Variants in USP48 observed in about 807,000 individuals in gnomAD.
USP48 encodes the protein ubiquitin carboxyl-terminal hydrolase 48.
A neutral mutation model predicts 150.7 loss-of-function variants in USP48; 43 were observed. The observed-to-expected ratio is 0.29, with a 90% CI of 0.22 to 0.37. The LOEUF (loss-of-function observed/expected upper bound fraction) is 0.37, where lower values mean the gene tolerates loss of function less well. USP48 is among the 10% of genes least tolerant of loss of function. The probability of loss-of-function intolerance (pLI) is 1.00; values close to 1 mark genes in which losing one functional copy is unlikely to be tolerated. For synonymous variants in USP48, 396 were observed against 425.9 expected, an observed-to-expected ratio of 0.93 and a Z score of 0.86; for missense variants, 813 against 1,249.6, an observed-to-expected ratio of 0.65 and a Z score of 5.27.
intron 11 of USP48, among the ~76,000 whole-genome samples, chr1:21,726,760 C>T (rs962439131): frequency 3.9e-5 from 6 of 152,130 alleles, no homozygotes; most frequent in African/African-American, 1.4e-4. Context: ...AATATATTCC[C>T]TAGTATTTGT....
chr1:21,767,385 C>T (rs541049796), intron 1 of USP48, among the ~76,000 whole-genome samples: 20 of 152,174 alleles, frequency 1.3e-4, no homozygotes, highest in Admixed American at 7.2e-4. Flanking sequence ...GGTGCAGTGG[C>T]TCAATCTCAG....
At chr1:21,712,869 C>T (rs911045112) in intron 15 of USP48, among the ~76,000 whole-genome samples, 1 of 152,040 alleles carries the variant, frequency 6.6e-6, no homozygotes, top group African/African-American at 2.4e-5. Flanking sequence ...CTCAACTGAT[C>T]CGCCTGCCTC....
At chr1:21,747,696 C>T (rs1317819894) in intron 7 of USP48, among the ~76,000 whole-genome samples, 1 of 152,156 alleles carries the variant, frequency 6.6e-6, no homozygotes, top group African/African-American at 2.4e-5. Flanking sequence ...CCTCAGCCTC[C>T]CCAGTAGCTG....
At chr1:21,773,748 A>G (rs2097889142) in intron 1 of USP48, among the ~76,000 whole-genome samples, 2 of 151,990 alleles carry the variant, frequency 1.3e-5, no homozygotes, top group Non-Finnish European at 2.9e-5. Flanking sequence ...CTCACTCAAC[A>G]CTCAAGATCG....
intron 15 of USP48, among the ~76,000 whole-genome samples, chr1:21,712,628 CT>C (rs11333202): frequency 0.21 from 27,996 of 134,332 alleles, 3,335 homozygotes; most frequent in Non-Finnish European, 0.29. Context: ...GAAAACTATC[CT>C]TTTTTTTTTT....
rs1474143320 is a variant in USP48 at position 21,757,781 on chromosome 1, C to T, written c.137G>A (p.Arg46Gln). 2.5e-6 allele frequency: 4 copies of T among 1,577,978 alleles called. No individual in the cohort carries two copies. Among genetic ancestry groups the T allele is most frequent in the South Asian group, 1.2e-5 (1 of 83,164 alleles). ...LEPCIRGVCR[R>Q]NCKGNPNCLV... ...GCAATTCGGATTTCCTTTGCAGTTT[C>T]GTCTAAGGGGAAAAAAAAAACCTTT... Residue 46 changes from arginine (R) to glutamine (Q), a missense_variant and splice_region_variant, in exon 2 of 27, where the codon CGA becomes CAA. Physicochemically the swap from Arg to Gln is conservative, Grantham distance 43. Coordinates refer to ENST00000308271, the MANE Select transcript of USP48 (RefSeq NM_032236.8).
intron 22 of USP48, among the ~76,000 whole-genome samples, chr1:21,699,609 G>A (rs1251266310): frequency 6.6e-6 from 1 of 151,204 alleles, no homozygotes; most frequent in African/African-American, 2.4e-5. Flanking sequence ...TGCCTCCTGG[G>A]TTCATGCCAT....
At chr1:21,699,204 T>G (rs2097647342) in intron 22 of USP48, among the ~76,000 whole-genome samples, 1 of 141,054 alleles carries the variant, frequency 7.1e-6, no homozygotes, top group African/African-American at 2.6e-5. Context: ...TTTTTTTTTT[T>G]TTTTTTTTTT....
chr1:21,739,518 C>CAAAAAAAAAAAA (rs61410306), intron 8 of USP48, among the ~76,000 whole-genome samples: 2 of 66,292 alleles, frequency 3.0e-5, no homozygotes, highest in African/African-American at 1.3e-4. Context: ...GACTCCGTCT[C>CAAAAAAAAAAAA]AAAAAAAAAA....
intron 7 of USP48, among the ~76,000 whole-genome samples, chr1:21,747,446 C>A (rs1210323664): frequency 6.6e-6 from 1 of 152,132 alleles, no homozygotes; most frequent in African/African-American, 2.4e-5. Flanking sequence ...GCAAACATTG[C>A]CTTGATTTTA....
At chr1:21,771,657 C>T (rs931787126) in intron 1 of USP48, among the ~76,000 whole-genome samples, 3 of 151,868 alleles carry the variant, frequency 2.0e-5, no homozygotes, top group Non-Finnish European at 4.4e-5. Flanking sequence ...CAGTGGCTTA[C>T]ACCTATAATC....
At chr1:21,691,881 T>C (rs1311428151) in intron 23 of USP48, among the ~76,000 whole-genome samples, 2 of 152,094 alleles carry the variant, frequency 1.3e-5, no homozygotes, top group East Asian at 1.9e-4. Context: ...ACCCATAAAA[T>C]GCATGCTATT....
At chr1:21,724,353 A>G in intron 11 of USP48, 1 of 596,130 alleles carries the variant, frequency 1.7e-6, no homozygotes, top group South Asian at 2.1e-5. Context: ...TATTAACCAC[A>G]TTCTACAAGA....
intron 1 of USP48, among the ~76,000 whole-genome samples, chr1:21,764,623 T>C (rs950689770): frequency 6.6e-6 from 1 of 151,224 alleles, no homozygotes; most frequent in Admixed American, 6.6e-5. Context: ...AGAGAACTGC[T>C]TGAACCCGGG....
intron 3 of USP48, among the ~76,000 whole-genome samples, chr1:21,756,270 C>T (rs2097834081): frequency 6.6e-6 from 1 of 151,818 alleles, no homozygotes; most frequent in Non-Finnish European, 1.5e-5. Context: ...CACTTGAGGT[C>T]AGGAGTTCGA....
chr1:21,773,254 C>CAAAAAAAA (rs60704662), intron 1 of USP48, among the ~76,000 whole-genome samples: 2 of 66,162 alleles, frequency 3.0e-5, no homozygotes, highest in Non-Finnish European at 3.1e-5. Flanking sequence ...GACTCGGTCT[C>CAAAAAAAA]AAAAAAAAAA....
chr1:21,765,281 G>C (rs2097858900), intron 1 of USP48, among the ~76,000 whole-genome samples: 2 of 152,174 alleles, frequency 1.3e-5, no homozygotes, highest in Non-Finnish European at 2.9e-5. Flanking sequence ...GCAGACATCT[G>C]CTGTGATTTT....
intron 24 of USP48, 92 bp from the exon 25 acceptor site, chr1:21,687,331 T>A (rs1191064030): frequency 4.9e-6 from 6 of 1,216,684 alleles, no homozygotes; most frequent in Non-Finnish European, 7.1e-6. Context: ...GATATTGCTA[T>A]AAGACACAAA....
chr1:21,728,182 T>C (rs2097744938), intron 11 of USP48: 6 of 995,252 alleles, frequency 6.0e-6, no homozygotes, highest in Non-Finnish European at 7.2e-6. Context: ...TATAATAGAA[T>C]GTCTGTTAAA....
Sources: allele counts gnomAD v4.1 joint callset (sites outside exome capture counted in the v4.1 genomes callset), GRCh38; gene constraint gnomAD v4.1.1; transcripts MANE v1.5; gene names NCBI Gene and HGNC (gene_info 2026-07-23, HGNC 2026-07-21).